Variants in POF1B observed in about 807,000 individuals in gnomAD.
POF1B encodes the protein POF1B actin binding protein, also known as protein POF1B.
In POF1B, 53 loss-of-function variants were observed where a neutral mutation model predicts 55.3. The ratio of observed to expected loss-of-function variants is 0.96; its 90% CI spans 0.77 to 1.20. POF1B has a LOEUF of 1.20. POF1B is among the 50% of genes most tolerant of loss of function. The pLI, the probability that POF1B is intolerant of heterozygous loss-of-function variation, is 0.00. For synonymous variants in POF1B, 188 were observed against 148.3 expected (o/e 1.27, Z -1.95); for missense variants, 478 against 420.5 (o/e 1.14, Z -1.20).
intron 2 of POF1B, among the ~76,000 whole-genome samples, chrX:85,369,866 T>C (rs1014696856): frequency 8.9e-6 from 1 of 111,939 alleles, no homozygotes; most frequent in African/African-American, 3.2e-5. Context: ...TGTGAAGGTA[T>C]TCATGTCTAG....
At chrX:85,331,463 A>G (rs1932977988) in intron 6 of POF1B, among the ~76,000 whole-genome samples, 1 of 111,411 alleles carries the variant, frequency 9.0e-6, no homozygotes, top group African/African-American at 3.3e-5. Flanking sequence ...TAATTGAAAC[A>G]TAATAAAAGT....
At chrX:85,298,779 G>A (rs1307760876) in intron 15 of POF1B, among the ~76,000 whole-genome samples, 2 of 111,461 alleles carry the variant, frequency 1.8e-5, no homozygotes, top group Non-Finnish European at 3.8e-5. Context: ...TAATAAATAT[G>A]TTTATAGGGC....
At chrX:85,352,060 A>G (rs959673624) in intron 4 of POF1B, among the ~76,000 whole-genome samples, 7 of 110,858 alleles carry the variant, frequency 6.3e-5, no homozygotes, top group Non-Finnish European at 3.8e-5. Flanking sequence ...CCACATATTC[A>G]ACTAAATTGC....
In POF1B at chrX:85,314,427, C is replaced by A; in HGVS notation, c.957+5G>T. On this transcript the variant is annotated splice_donor_5th_base_variant and intron_variant, in intron 9 of 16. Coordinates refer to ENST00000262753, the MANE Select transcript of POF1B (RefSeq NM_024921.4). Reference sequence around the variant, plus strand: ...TTCACACATCCACTCTTGACCCCAACTCACCTGCAGAATGTAGCGTATTTG... The same window carrying A: ...TTCACACATCCACTCTTGACCCCAAATCACCTGCAGAATGTAGCGTATTTG... 8.4e-7 allele frequency: 1 copy of A among 1,188,937 alleles called. No individual in the cohort carries two copies. Among genetic ancestry groups the A allele is most frequent in the African/African-American group, 1.8e-5 (1 of 56,471 alleles).
intron 16 of POF1B, among the ~76,000 whole-genome samples, chrX:85,279,983 C>T (rs150514308): frequency 1.8e-5 from 2 of 110,667 alleles, no homozygotes; most frequent in African/African-American, 6.6e-5. Flanking sequence ...ATTTTAAATT[C>T]TATGGGTTAA....
In POF1B at chrX:85,282,284, T is replaced by C. The variant is rs1289756706; in HGVS notation, c.1683A>G (p.Leu561=). 7 of 1,183,449 alleles carry C rather than the reference T, an allele frequency of 5.9e-6. No homozygotes were observed. The highest frequency in any genetic ancestry group is 6.8e-6 in the Non-Finnish European group (6 of 879,206). The change falls in exon 16 of 17, where the codon CTA becomes CTG. Residue 561 remains leucine (L), a synonymous_variant. Transcript: ENST00000262753. ...YRTQYPILGL[L]YDDYEYIPPG... is the part of the protein sequence containing the mutation. ...GTGGTATATATTCGTAGTCATCATA[T>C]AGGAGGCCTAGGATTGGATATTGTG...
intron 7 of POF1B, among the ~76,000 whole-genome samples, chrX:85,325,532 G>T (rs752389631): frequency 1.8e-5 from 2 of 111,770 alleles, no homozygotes; most frequent in Admixed American, 9.5e-5. Flanking sequence ...AAATCAGTTT[G>T]GTTCTTTCTT....
chrX:85,296,823 TC>T (rs1421083260), intron 15 of POF1B, among the ~76,000 whole-genome samples: 2 of 112,276 alleles, frequency 1.8e-5, no homozygotes, highest in Non-Finnish European at 3.8e-5. Flanking sequence ...GACCATATCC[TC>T]AAATATGTTT....
intron 5 of POF1B, among the ~76,000 whole-genome samples, chrX:85,347,439 T>C (rs1047809550): frequency 5.4e-5 from 6 of 111,221 alleles, no homozygotes; most frequent in African/African-American, 2.0e-4. Context: ...AAGTGACGTA[T>C]ACATTTACAA....
chrX:85,283,377 A>C (rs919133164), intron 15 of POF1B, among the ~76,000 whole-genome samples: 2 of 110,977 alleles, frequency 1.8e-5, no homozygotes, highest in Non-Finnish European at 3.8e-5. Flanking sequence ...GCATGAACAC[A>C]GGAGAGAAAT....
chrX:85,310,014 C>T (rs186091051), intron 9 of POF1B, among the ~76,000 whole-genome samples: 10 of 111,864 alleles, frequency 8.9e-5, no homozygotes, highest in African/African-American at 3.2e-4. Context: ...AGTGCACACA[C>T]TTTCTCTGAT....
At chrX:85,373,497 C>A (rs747426063) in intron 2 of POF1B, among the ~76,000 whole-genome samples, 5 of 111,145 alleles carry the variant, frequency 4.5e-5, no homozygotes, top group African/African-American at 1.3e-4. Context: ...AAACAAAAAA[C>A]CCATGTATTA....
intron 4 of POF1B, among the ~76,000 whole-genome samples, chrX:85,355,382 C>T (rs1280212497): frequency 2.7e-5 from 3 of 111,893 alleles, no homozygotes; most frequent in Non-Finnish European, 5.6e-5. Flanking sequence ...CATTACCATT[C>T]AGGACATAGG....
chrX:85,306,065 T>G, intron 12 of POF1B, 116 bp downstream of exon 12: 1 of 943,246 alleles, frequency 1.1e-6, no homozygotes, highest in Non-Finnish European at 1.5e-6. Flanking sequence ...AGCTCAAATG[T>G]CAGTGATTAA....
intron 6 of POF1B, among the ~76,000 whole-genome samples, chrX:85,344,713 T>C (rs946165094): frequency 3.6e-5 from 4 of 111,664 alleles, no homozygotes; most frequent in African/African-American, 9.7e-5. Context: ...CTATGAGTTA[T>C]TCTAGAGGCC....
At chrX:85,329,117 T>C (rs1324013522) in intron 7 of POF1B, among the ~76,000 whole-genome samples, 1 of 111,992 alleles carries the variant, frequency 8.9e-6, no homozygotes, top group Non-Finnish European at 1.9e-5. Flanking sequence ...TTAGTAGCTG[T>C]GTGATCTTAA....
In POF1B at chrX:85,351,275, G is replaced by A. The variant is rs1933381037; in HGVS notation, c.540+75C>T. The A allele has an allele frequency of 4.6e-6, 3 of 658,769 alleles. No homozygotes were observed. In the South Asian group the frequency reaches 9.1e-5, roughly 20 times the overall value. The allele number at this position is 658,769 out of a possible 1,213,427, so 54.3% of individuals were successfully genotyped here. On this transcript the variant is annotated intron_variant, in intron 5 of 16. Coordinates refer to ENST00000262753, the MANE Select transcript of POF1B (RefSeq NM_024921.4). The stretch of plus-strand genomic sequence containing the variant: ...CTTGCCTTGCACTTCAGAGTTGAAT[G>A]TCACTTGAGCTCTATTAAAATACAA...
intron 15 of POF1B, among the ~76,000 whole-genome samples, chrX:85,285,916 C>A (rs1932042931): frequency 1.0e-5 from 1 of 97,784 alleles, no homozygotes; most frequent in African/African-American, 4.4e-5. Context: ...AAGTCTTCAC[C>A]AGAGAAGCAT....
At chrX:85,319,617 T>C (rs1474467074) in intron 7 of POF1B, among the ~76,000 whole-genome samples, 1 of 111,654 alleles carries the variant, frequency 9.0e-6, no homozygotes, top group Non-Finnish European at 1.9e-5. Flanking sequence ...TCCGTATCTA[T>C]CGAGTGATCA....
Sources: gnomAD v4.1 joint callset for allele counts (sites outside exome capture counted in the v4.1 genomes callset) on GRCh38, gnomAD v4.1.1 for gene constraint, MANE v1.5 for transcripts, NCBI Gene and HGNC (gene_info 2026-07-23, HGNC 2026-07-21) for gene names.